Variants in RABGAP1L observed in about 807,000 individuals in gnomAD.
RABGAP1L encodes RAB GTPase activating protein 1 like.
Under a neutral mutation model 137.7 loss-of-function variants are expected in RABGAP1L, and 63 were observed. The observed-to-expected ratio is 0.46, with a 90% CI of 0.37 to 0.56. The LOEUF is 0.56. RABGAP1L is among the 20% of genes least tolerant of loss of function. The probability of loss-of-function intolerance (pLI) is 0.00; values close to 1 mark genes in which losing one functional copy is unlikely to be tolerated. For synonymous variants in RABGAP1L, 431 were observed against 433.7 expected (o/e 0.99, Z 0.08); for missense variants, 1,095 against 1,244.0 (o/e 0.88, Z 1.80).
chr1:174,622,644 A>T (rs1190012766), intron 13 of RABGAP1L, among the ~76,000 whole-genome samples: 1 of 152,190 alleles, frequency 6.6e-6, no homozygotes, highest in Non-Finnish European at 1.5e-5. Context: ...CATAGGTGGG[A>T]ATTGAACAAT....
intron 15 of RABGAP1L, among the ~76,000 whole-genome samples, chr1:174,692,981 A>G (rs1678979594): frequency 6.6e-6 from 1 of 152,208 alleles, no homozygotes; most frequent in African/African-American, 2.4e-5. Context: ...ATCTATTGGT[A>G]TAATTCCAAA....
At chr1:174,552,632 G>A (rs1666626808) in intron 13 of RABGAP1L, among the ~76,000 whole-genome samples, 1 of 152,100 alleles carries the variant, frequency 6.6e-6, no homozygotes, top group South Asian at 2.1e-4. Flanking sequence ...TCACTGATGG[G>A]CATTTAGGTT....
At chr1:174,683,736 T>A in intron 15 of RABGAP1L, 140 bp downstream of exon 15, 1 of 560,162 alleles carries the variant, frequency 1.8e-6, no homozygotes, top group Non-Finnish European at 3.0e-6. Context: ...GTACGTTAGG[T>A]GATAAAGTAA....
chr1:174,636,011 T>C lies in RABGAP1L; in HGVS notation c.1711-1364T>C, dbSNP rs562237158. Among the ~76,000 whole-genome samples the C allele has an allele frequency of 7.9e-5, 12 of 152,362 alleles. No individual in the cohort carries two copies. In the East Asian group the frequency reaches 2.3e-3, roughly 29 times the overall value. ...GGAAATAAGACATTAAGCAATTCTTTTAATTTGCAATTAGTAGTCTGATGT... is the reference window on the plus strand; with the variant it reads ...GGAAATAAGACATTAAGCAATTCTTCTAATTTGCAATTAGTAGTCTGATGT... On this transcript the variant is annotated intron_variant, in intron 13 of 25. Transcript: ENST00000681986.
intron 1 of RABGAP1L, among the ~76,000 whole-genome samples, chr1:174,217,679 G>A (rs1023952423): frequency 1.3e-5 from 2 of 152,130 alleles, no homozygotes; most frequent in East Asian, 1.9e-4. Flanking sequence ...GATGAATGTC[G>A]CTTGGGTTTT....
chr1:174,599,615 T>G (rs1310569045), intron 13 of RABGAP1L, among the ~76,000 whole-genome samples: 1 of 152,186 alleles, frequency 6.6e-6, no homozygotes, highest in Non-Finnish European at 1.5e-5. Context: ...GGATAAAAGT[T>G]TTTTTTTCCT....
intron 13 of RABGAP1L, among the ~76,000 whole-genome samples, chr1:174,473,795 A>G (rs1370765190): frequency 1.3e-5 from 2 of 152,230 alleles, no homozygotes; most frequent in African/African-American, 2.4e-5. Flanking sequence ...GAGTCCTGCA[A>G]TCATTCGCCC....
intron 19 of RABGAP1L, among the ~76,000 whole-genome samples, chr1:174,853,641 G>T (rs1423931236): frequency 3.3e-5 from 5 of 152,196 alleles, no homozygotes; most frequent in Non-Finnish European, 5.9e-5. Flanking sequence ...TGAGACAGGA[G>T]AATTGCTTGA....
chr1:174,419,877 C>T (rs886622616), intron 13 of RABGAP1L, among the ~76,000 whole-genome samples: 6 of 152,002 alleles, frequency 3.9e-5, no homozygotes, highest in African/African-American at 1.2e-4. Flanking sequence ...TTTGGCTGTC[C>T]GCTTTCATTT....
chr1:174,597,402 G>T (rs1670038245), intron 13 of RABGAP1L, among the ~76,000 whole-genome samples: 1 of 152,102 alleles, frequency 6.6e-6, no homozygotes, highest in Admixed American at 6.5e-5. Context: ...CTTGTTAAGG[G>T]TCTATTCGAG....
chr1:174,775,788 G>A (rs1348724005), intron 18 of RABGAP1L, among the ~76,000 whole-genome samples: 4 of 152,118 alleles, frequency 2.6e-5, no homozygotes, highest in African/African-American at 9.7e-5. Flanking sequence ...CCCGGATGGT[G>A]CACATTCCTG....
intron 13 of RABGAP1L, among the ~76,000 whole-genome samples, chr1:174,511,031 A>G (rs1302550095): frequency 6.6e-6 from 1 of 152,228 alleles, no homozygotes; most frequent in Non-Finnish European, 1.5e-5. Context: ...AGTTTTAACT[A>G]CTAGTTATGT....
intron 19 of RABGAP1L, among the ~76,000 whole-genome samples, chr1:174,816,459 C>G (rs1690427274): frequency 6.6e-6 from 1 of 151,746 alleles, no homozygotes; most frequent in Non-Finnish European, 1.5e-5. Context: ...TAATATATAG[C>G]TTTATTAAGT....
intron 18 of RABGAP1L, among the ~76,000 whole-genome samples, chr1:174,808,093 C>G (rs944934779): frequency 4.0e-5 from 6 of 151,362 alleles, no homozygotes; most frequent in Admixed American, 6.6e-5. Flanking sequence ...ATGCCATTCT[C>G]CTGCCTCAGC....
At chr1:174,180,402 A>G (rs1443936973) in intron 1 of RABGAP1L, among the ~76,000 whole-genome samples, 2 of 152,210 alleles carry the variant, frequency 1.3e-5, no homozygotes, top group Admixed American at 6.5e-5. Context: ...AATCATGACA[A>G]TTGGAAACTT....
chr1:174,987,178 T>G (rs1393249931), intron 24 of RABGAP1L, among the ~76,000 whole-genome samples: 1 of 152,126 alleles, frequency 6.6e-6, no homozygotes, highest in Non-Finnish European at 1.5e-5. Flanking sequence ...AGAAATTTTT[T>G]TTTTTTTGAG....
intron 19 of RABGAP1L, among the ~76,000 whole-genome samples, chr1:174,869,348 G>A (rs1392426467): frequency 6.6e-6 from 1 of 152,068 alleles, no homozygotes; most frequent in African/African-American, 2.4e-5. Context: ...CATCCACCAT[G>A]CTGTTCTTGT....
At chr1:174,787,076 C>A (rs1211475111) in intron 18 of RABGAP1L, among the ~76,000 whole-genome samples, 1 of 151,930 alleles carries the variant, frequency 6.6e-6, no homozygotes, top group Admixed American at 6.6e-5. Flanking sequence ...GATGCAAAGG[C>A]AGAGGAGGGA....
rs993257621 is a variant in RABGAP1L at position 174,219,108 on chromosome 1, C to G, written c.-33-17C>G. On this transcript the variant is annotated splice_polypyrimidine_tract_variant and intron_variant, in intron 1 of 25. Coordinates refer to ENST00000681986, the MANE Select transcript of RABGAP1L (RefSeq NM_001366446.1). ...TAATCAGTAGGTTTTTTTTTTTAAT[C>G]CCTTTTGTTTTTCCAGGTGGTTGTG... 9.5e-6 allele frequency: 14 copies of G among 1,480,610 alleles called. No homozygotes were observed. In the Admixed American group the frequency reaches 1.2e-4, roughly 12 times the overall value. The allele number at this position is 1,480,610 out of a possible 1,614,324, so 91.7% of individuals were successfully genotyped here.
Sources: allele counts gnomAD v4.1 joint callset (sites outside exome capture counted in the v4.1 genomes callset), GRCh38; gene constraint gnomAD v4.1.1; transcripts MANE v1.5; gene names NCBI Gene and HGNC (gene_info 2026-07-23, HGNC 2026-07-21).